Variants in SLC25A42 observed in about 807,000 individuals in gnomAD.
SLC25A42 encodes the protein mitochondrial coenzyme A transporter SLC25A42.
SLC25A42 carries 19 observed loss-of-function variants against 34.7 expected under a neutral mutation model. The observed-to-expected ratio is 0.55, with a 90% confidence interval of 0.38 to 0.80. The LOEUF (loss-of-function observed/expected upper bound fraction) is 0.80, where lower values mean the gene tolerates loss of function less well. Among genes scored for constraint, SLC25A42 ranks in the 30% least tolerant of loss-of-function variants. SLC25A42 has a pLI of 0.00. For synonymous variants in SLC25A42, 205 were observed against 191.2 expected (o/e 1.07, Z -0.59); for missense variants, 364 against 441.3 (o/e 0.82, Z 1.57).
intron 1 of SLC25A42, among the ~76,000 whole-genome samples, chr19:19,088,286 A>T (rs2059718848): frequency 6.6e-6 from 1 of 150,796 alleles, no homozygotes; most frequent in Non-Finnish European, 1.5e-5. Flanking sequence ...GCTCACTGCA[A>T]GCTCCGCCTT....
chr19:19,094,674 A>C (rs1435476908), intron 1 of SLC25A42, among the ~76,000 whole-genome samples: 1 of 152,216 alleles, frequency 6.6e-6, no homozygotes, highest in African/African-American at 2.4e-5. Flanking sequence ...ACCGGCACTG[A>C]TGCCTGCTCT....
At chr19:19,105,374 G>A (rs965344139) in intron 4 of SLC25A42, 187 bp from the exon 5 acceptor site, 1 of 669,004 alleles carries the variant, frequency 1.5e-6, no homozygotes, top group Non-Finnish European at 2.5e-6. Flanking sequence ...GGACGGGGCT[G>A]GGGTTGATAA....
rs369895546 is a variant in SLC25A42, at chr19:19,106,405, A to T, written c.497+20A>T. The T allele has an allele frequency of 8.8e-6, 14 of 1,591,956 alleles. No individual in the cohort carries two copies. The African/African-American group carries it at 1.8e-4, about 20-fold the overall frequency. Reference sequence around the variant, plus strand: ...GGAAATGTGAGTCCTTACATCGGTGATGCGCATCAGCCCCGGGGGCTCTGT... The same window carrying T: ...GGAAATGTGAGTCCTTACATCGGTGTTGCGCATCAGCCCCGGGGGCTCTGT... On this transcript the variant is annotated intron_variant, in intron 6 of 7. Transcript: ENST00000318596.
chr19:19,100,107 C>T (rs2059786856), intron 2 of SLC25A42, among the ~76,000 whole-genome samples: 2 of 151,722 alleles, frequency 1.3e-5, no homozygotes, highest in Admixed American at 1.3e-4. Flanking sequence ...TTCAGAAGGC[C>T]GAGGCAGGCA....
Position 19,095,220 on chromosome 19 carries a change from A to AT in SLC25A42, c.-34-871_-34-870insT, listed in dbSNP as rs533897671. Reference sequence around the variant, plus strand: ...TGTCAAAGCAAAAACAAAAACAAAAAAAAACACCCTTAGCTGACCAAGTGG... The same window carrying AT: ...TGTCAAAGCAAAAACAAAAACAAAAATAAAACACCCTTAGCTGACCAAGTGG... On this transcript the variant is annotated intron_variant, in intron 1 of 7. Transcript: ENST00000318596. Among the ~76,000 whole-genome samples, 3 of 150,798 alleles carry AT rather than the reference A, an allele frequency of 2.0e-5. No homozygotes were observed. In the East Asian group the frequency reaches 5.9e-4, roughly 30 times the overall value.
At chr19:19,095,799 C>T (rs879373935) in intron 1 of SLC25A42, 16 of 422,846 alleles carry the variant, frequency 3.8e-5, no homozygotes, top group Non-Finnish European at 6.3e-5. Flanking sequence ...CCCCACAACC[C>T]GCTGGTAGCT....
intron 1 of SLC25A42, among the ~76,000 whole-genome samples, chr19:19,070,880 C>T (rs1460688543): frequency 1.3e-5 from 2 of 152,176 alleles, no homozygotes; most frequent in Non-Finnish European, 2.9e-5. Flanking sequence ...TTCCTCAGCC[C>T]CTCCAGATGG....
chr19:19,072,854 G>A (rs116304160), intron 1 of SLC25A42, among the ~76,000 whole-genome samples: 2,169 of 151,896 alleles, frequency 0.014, 49 homozygotes, highest in African/African-American at 0.047. Context: ...AATTTATTTT[G>A]TAGAGACAGG....
chr19:19,065,321 C>G (rs1320798213), intron 1 of SLC25A42, among the ~76,000 whole-genome samples: 2 of 152,116 alleles, frequency 1.3e-5, no homozygotes, highest in Non-Finnish European at 2.9e-5. Flanking sequence ...CCGACACTCC[C>G]TGGGCCCTTG....
chr19:19,093,772 G>A (rs546136318), intron 1 of SLC25A42, among the ~76,000 whole-genome samples: 1 of 152,298 alleles, frequency 6.6e-6, no homozygotes, highest in South Asian at 2.1e-4. Flanking sequence ...CCACCTCCTG[G>A]GTTCAAGTGA....
Position 19,110,993 on chromosome 19 carries a change from G to A in SLC25A42, c.*117G>A. 8.4e-7 allele frequency: 1 copy of A among 1,194,804 alleles called. No homozygotes were observed. The highest frequency in any genetic ancestry group is 1.5e-5 in the African/African-American group (1 of 64,974). 74.0% of individuals were successfully genotyped at this position (1,194,804 alleles called of 1,614,324 possible). On this transcript the variant is annotated 3_prime_UTR_variant, in exon 8 of 8. Coordinates refer to ENST00000318596, the MANE Select transcript of SLC25A42 (RefSeq NM_178526.5). ...CAGGAGGCACATGGGGCGCTTTATG[G>A]AACGAGCAGGTGGGCCTGAGGGGCC...
intron 7 of SLC25A42, 152 bp from the exon 8 acceptor site, chr19:19,110,417 G>T (rs2146317127): frequency 1.9e-6 from 1 of 534,454 alleles, no homozygotes. Context: ...TGGGGCGTGT[G>T]GGTGCGCATG....
At chr19:19,089,548 T>C (rs1388693937) in intron 1 of SLC25A42, among the ~76,000 whole-genome samples, 2 of 139,002 alleles carry the variant, frequency 1.4e-5, no homozygotes, top group Admixed American at 1.5e-4. Context: ...ATAATAATAA[T>C]AATAATAAAT....
In SLC25A42 at chr19:19,106,438, G is replaced by C. The variant is rs746918363; in HGVS notation, c.497+53G>C. ...CAGCCCCGGGGGCTCTGTGTCTCGG[G>C]GGCTCCCAGGTCGGAATCCCTCTCT... is the stretch of plus-strand genomic sequence containing the variant. On this transcript the variant is annotated intron_variant, in intron 6 of 7. Transcript: ENST00000318596. 9.6e-6 allele frequency: 14 copies of C among 1,465,420 alleles called. No individual in the cohort carries two copies. The Admixed American group carries it at 2.0e-4, about 21-fold the overall frequency. 90.8% of individuals were successfully genotyped at this position (1,465,420 alleles called of 1,614,324 possible).
intron 3 of SLC25A42, among the ~76,000 whole-genome samples, chr19:19,104,090 T>G (rs889229945): frequency 3.3e-5 from 5 of 152,176 alleles, no homozygotes; most frequent in East Asian, 3.9e-4. Flanking sequence ...TGTACTTTTT[T>G]TTAGTAGAGT....
At chr19:19,108,148 G>A in intron 7 of SLC25A42, 103 bp downstream of exon 7, 1 of 1,361,356 alleles carries the variant, frequency 7.3e-7, no homozygotes, top group Non-Finnish European at 9.8e-7. Flanking sequence ...GCGGAGTGGG[G>A]TACGACCCCT....
Position 19,110,799 on chromosome 19 carries a change from A to C in SLC25A42, c.880A>C (p.Lys294Gln), listed in dbSNP as rs1320371846. Residue 294 changes from lysine to glutamine, a missense_variant, in exon 8 of 8, where the codon AAG (lysine) becomes CAG (glutamine). Lys to Gln is a moderately conservative substitution (Grantham distance 53, BLOSUM62 1). Coordinates refer to ENST00000318596, the MANE Select transcript of SLC25A42 (RefSeq NM_178526.5). The stretch of plus-strand genomic sequence containing the variant: ...CAAAGGCTTGAGCATGAACTGGGTC[A>C]AGGGTCCCATCGCCGTGGGCATCAG... ...LYKGLSMNWV[K>Q]GPIAVGISFT... The C allele has an allele frequency of 6.2e-7, 1 of 1,613,882 alleles. No homozygotes were observed. The highest frequency in any genetic ancestry group is 1.7e-5 in the Admixed American group (1 of 60,026).
chr19:19,078,583 C>A (rs559638127), intron 1 of SLC25A42, among the ~76,000 whole-genome samples: 1 of 152,150 alleles, frequency 6.6e-6, no homozygotes, highest in Non-Finnish European at 1.5e-5. Context: ...CGAGCATGTA[C>A]GCAGCAAGCA....
intron 1 of SLC25A42, among the ~76,000 whole-genome samples, chr19:19,079,431 C>T (rs1181865935): frequency 6.6e-6 from 1 of 152,158 alleles, no homozygotes; most frequent in Non-Finnish European, 1.5e-5. Flanking sequence ...CCACAGCCCC[C>T]AGCCCCTAGC....
Sources: gnomAD v4.1 joint callset for allele counts (sites outside exome capture counted in the v4.1 genomes callset) on GRCh38, gnomAD v4.1.1 for gene constraint, MANE v1.5 for transcripts, NCBI Gene and HGNC (gene_info 2026-07-23, HGNC 2026-07-21) for gene names.